Variants in TSHZ2 observed in about 807,000 individuals in gnomAD.
TSHZ2 encodes the protein teashirt zinc finger homeobox 2.
In TSHZ2, 21 loss-of-function variants were observed where a neutral mutation model predicts 74.4. That is an observed-to-expected ratio of 0.28 (90% confidence interval 0.20 to 0.41). The LOEUF (loss-of-function observed/expected upper bound fraction) is 0.41. Ranked by LOEUF, TSHZ2 falls within the 10% of genes least tolerant of loss-of-function variation. TSHZ2 has a pLI of 1.00. For missense variants in TSHZ2, 1,244 were observed against 1,293.5 expected (o/e 0.96, Z 0.59); for synonymous variants, 540 against 515.3 (o/e 1.05, Z -0.65).
At position 53,493,583 on chromosome 20, in the gene TSHZ2, G is replaced by A. The variant is rs1443007463; in HGVS notation, c.*6448G>A. On this transcript the variant is annotated 3_prime_UTR_variant, in exon 3 of 3. Transcript: ENST00000371497. ...TCTTCTCCTTATTTATTCGGTTGCT[G>A]TTGTAATGGGGCCCCAGGCCATTCC... 1 of 152,104 alleles carries A rather than the reference G, an allele frequency of 6.6e-6. No homozygotes were observed. Among genetic ancestry groups the A allele is most frequent in the East Asian group, 1.9e-4 (1 of 5,184 alleles). 9.4% of individuals were successfully genotyped at this position (152,104 alleles called of 1,614,324 possible). A position where few individuals can be genotyped will look rare whatever the true frequency, so the allele number is the denominator to read the frequency against.
At chr20:53,285,625 G>C (rs914138790) in intron 2 of TSHZ2, among the ~76,000 whole-genome samples, 1 of 152,002 alleles carries the variant, frequency 6.6e-6, no homozygotes, top group Non-Finnish European at 1.5e-5. Flanking sequence ...CAGGAGAATT[G>C]CTTGAACCCA....
chr20:53,484,829 G>A (rs1361997525), intron 2 of TSHZ2, among the ~76,000 whole-genome samples: 3 of 152,120 alleles, frequency 2.0e-5, no homozygotes, highest in Non-Finnish European at 4.4e-5. Context: ...TCAAATGTCT[G>A]TTATGATTAT....
Position 53,482,709 on chromosome 20 carries a change from G to A in TSHZ2, c.*9-4435G>A, listed in dbSNP as rs1251260754. ...GCTTGAGCCCAGGAGTTCAAGACCAGCCTGGGCAACGTGGCGAAACCCTGT... is the reference window on the plus strand; with the variant it reads ...GCTTGAGCCCAGGAGTTCAAGACCAACCTGGGCAACGTGGCGAAACCCTGT... On this transcript the variant is annotated intron_variant, in intron 2 of 2. Transcript: ENST00000371497. Among the ~76,000 whole-genome samples, 3 of 151,824 alleles carry A rather than the reference G, an allele frequency of 2.0e-5. No homozygotes were observed. The East Asian group carries it at 5.8e-4, about 30-fold the overall frequency.
intron 2 of TSHZ2, among the ~76,000 whole-genome samples, chr20:53,285,163 CA>C (rs1442954613): frequency 2.0e-5 from 3 of 152,074 alleles, no homozygotes; most frequent in Non-Finnish European, 2.9e-5. Flanking sequence ...CAAGCCCCCA[CA>C]AAGTGAGAAA....
intron 1 of TSHZ2, among the ~76,000 whole-genome samples, chr20:53,245,181 A>G (rs2123702930): frequency 6.6e-6 from 1 of 152,330 alleles, no homozygotes; most frequent in South Asian, 2.1e-4. Flanking sequence ...TAAGAAGCAG[A>G]TACTATTATT....
intron 2 of TSHZ2, among the ~76,000 whole-genome samples, chr20:53,307,853 G>T (rs1184399359): frequency 6.6e-6 from 1 of 152,106 alleles, no homozygotes; most frequent in Non-Finnish European, 1.5e-5. Flanking sequence ...AATGACCCTG[G>T]ATAGGTCCTT....
intron 1 of TSHZ2, among the ~76,000 whole-genome samples, chr20:53,046,823 T>G (rs926785058): frequency 6.6e-6 from 1 of 152,154 alleles, no homozygotes; most frequent in Admixed American, 6.5e-5. Flanking sequence ...ACCTGTGGTG[T>G]TGGGAAGGTG....
intron 1 of TSHZ2, among the ~76,000 whole-genome samples, chr20:53,108,053 G>A (rs1832229672): frequency 2.0e-5 from 3 of 152,186 alleles, no homozygotes; most frequent in South Asian, 4.1e-4. Flanking sequence ...CCCATGGGGA[G>A]CTTGATTAAA....
At chr20:52,974,661 TCAC>T (rs1568699858) in intron 1 of TSHZ2, among the ~76,000 whole-genome samples, 1 of 152,206 alleles carries the variant, frequency 6.6e-6, no homozygotes, top group Admixed American at 6.5e-5. Flanking sequence ...CTTTGCAAAG[TCAC>T]CCTTAGAACA....
chr20:53,029,532 T>C (rs1046626677), intron 1 of TSHZ2, among the ~76,000 whole-genome samples: 5 of 152,074 alleles, frequency 3.3e-5, no homozygotes, highest in African/African-American at 1.2e-4. Flanking sequence ...AACAATTAGC[T>C]GGGCGTGGAG....
intron 1 of TSHZ2, among the ~76,000 whole-genome samples, chr20:53,167,560 T>G (rs2123477212): frequency 6.6e-6 from 1 of 152,210 alleles, no homozygotes; most frequent in East Asian, 1.9e-4. Flanking sequence ...TTTGTTTGCT[T>G]GCTTGTTTGT....
At chr20:53,200,818 G>A (rs1466629314) in intron 1 of TSHZ2, among the ~76,000 whole-genome samples, 1 of 152,104 alleles carries the variant, frequency 6.6e-6, no homozygotes, top group Non-Finnish European at 1.5e-5. Flanking sequence ...TCTTTTGGAA[G>A]TACATACTAA....
At chr20:53,011,611 G>A (rs1296596139) in intron 1 of TSHZ2, among the ~76,000 whole-genome samples, 2 of 152,170 alleles carry the variant, frequency 1.3e-5, no homozygotes, top group African/African-American at 4.8e-5. Context: ...GAGCACACAG[G>A]AGTATGTGGA....
chr20:53,435,049 A>G (rs1164755901), intron 2 of TSHZ2, among the ~76,000 whole-genome samples: 2 of 152,262 alleles, frequency 1.3e-5, no homozygotes, highest in South Asian at 2.1e-4. Context: ...TCTAAGATAC[A>G]TGATATTCCC....
At chr20:53,190,124 TATATATATATA>T (rs1988699650) in intron 1 of TSHZ2, among the ~76,000 whole-genome samples, 2 of 99,254 alleles carry the variant, frequency 2.0e-5, no homozygotes, top group African/African-American at 7.8e-5. Context: ...TATATATATA[TATATATATATA>T]TATTTTCTTA....
chr20:53,010,822 AT>A (rs926797510), intron 1 of TSHZ2, among the ~76,000 whole-genome samples: 2 of 152,226 alleles, frequency 1.3e-5, no homozygotes, highest in East Asian at 1.9e-4. Flanking sequence ...TGCTATTAAT[AT>A]TTTTTTATTT....
chr20:53,426,645 A>G (rs1983667700), intron 2 of TSHZ2, among the ~76,000 whole-genome samples: 1 of 152,246 alleles, frequency 6.6e-6, no homozygotes, highest in Non-Finnish European at 1.5e-5. Flanking sequence ...TTTTCTGCCC[A>G]GCCTGGGTAC....
chr20:53,009,252 C>G (rs751655801), intron 1 of TSHZ2, among the ~76,000 whole-genome samples: 1 of 152,012 alleles, frequency 6.6e-6, no homozygotes, highest in Non-Finnish European at 1.5e-5. Context: ...GCTGGAGAAT[C>G]GGTTGAATCA....
rs1296300997 is a variant in TSHZ2, at chr20:53,074,311, C to T, written c.40+100978C>T. Among the ~76,000 whole-genome samples, 1 of 152,162 alleles carries T rather than the reference C, an allele frequency of 6.6e-6. No homozygotes were observed. The highest frequency in any genetic ancestry group is 6.5e-5 in the Admixed American group (1 of 15,288). On this transcript the variant is annotated intron_variant, in intron 1 of 2. Coordinates refer to ENST00000371497, the MANE Select transcript of TSHZ2 (RefSeq NM_173485.6). The surrounding 1 kb of genome is among the most constrained non-coding windows in gnomAD (Gnocchi z 5.9). ...AGTTACCACATTGCTGAAATTATGTCCTAAGTATCAGTCCTTTCTACTGGA... is the reference window on the plus strand; with the variant it reads ...AGTTACCACATTGCTGAAATTATGTTCTAAGTATCAGTCCTTTCTACTGGA...
Sources: gnomAD v4.1 joint callset for allele counts (sites outside exome capture counted in the v4.1 genomes callset) on GRCh38, gnomAD v4.1.1 for gene constraint, Gnocchi (gnomAD v3.1) non-coding constraint, MANE v1.5 for transcripts, NCBI Gene and HGNC (gene_info 2026-07-23, HGNC 2026-07-21) for gene names.